ANKRD6: variants seen among roughly 807,000 people sequenced by gnomAD.
ANKRD6 encodes the protein ankyrin repeat domain-containing protein 6.
A neutral mutation model predicts 82.3 loss-of-function variants in ANKRD6; 56 were observed. The ratio of observed to expected loss-of-function variants is 0.68; its 90% CI spans 0.55 to 0.85. The LOEUF is 0.85. Among genes scored for constraint, ANKRD6 ranks in the 40% least tolerant of loss-of-function variants. The probability of loss-of-function intolerance (pLI) is 0.00; values close to 1 mark genes in which losing one functional copy is unlikely to be tolerated. For synonymous variants in ANKRD6, 347 were observed against 352.1 expected, an observed-to-expected ratio of 0.99 and a Z score of 0.16; for missense variants, 852 against 907.6, an observed-to-expected ratio of 0.94 and a Z score of 0.79.
intron 1 of ANKRD6, among the ~76,000 whole-genome samples, chr6:89,511,550 A>G (rs1780551966): frequency 6.6e-6 from 1 of 152,266 alleles, no homozygotes; most frequent in African/African-American, 2.4e-5. Context: ...GTGAATCTCC[A>G]GGTGAGTTAC....
chr6:89,566,434 T>C (rs1583320206), intron 1 of ANKRD6, among the ~76,000 whole-genome samples: 1 of 152,336 alleles, frequency 6.6e-6, no homozygotes, highest in East Asian at 1.9e-4. Flanking sequence ...TTAGCCATGG[T>C]GGACGCACAA....
At chr6:89,591,995 C>T (rs1335444985) in intron 2 of ANKRD6, among the ~76,000 whole-genome samples, 2 of 152,150 alleles carry the variant, frequency 1.3e-5, no homozygotes, top group African/African-American at 2.4e-5. Flanking sequence ...AGGCCAGGAG[C>T]ATTGCTGGAG....
At chr6:89,518,262 C>T (rs867048166) in intron 1 of ANKRD6, among the ~76,000 whole-genome samples, 4 of 152,204 alleles carry the variant, frequency 2.6e-5, no homozygotes, top group East Asian at 1.9e-4. Context: ...ATTAGCTGGG[C>T]GTGGTGGCGC....
At chr6:89,513,483 G>A (rs796158222) in intron 1 of ANKRD6, among the ~76,000 whole-genome samples, 8 of 152,096 alleles carry the variant, frequency 5.3e-5, no homozygotes, top group African/African-American at 1.9e-4. Context: ...TATCCTTTTT[G>A]TATCTGACCT....
At chr6:89,629,402 C>T (rs1806811020) in intron 15 of ANKRD6, 164 bp downstream of exon 15, 3 of 926,016 alleles carry the variant, frequency 3.2e-6, no homozygotes, top group South Asian at 1.4e-5. Flanking sequence ...TAACCATATA[C>T]TCAGTTGCTA....
At chr6:89,463,103 A>G (rs1383366724) in intron 1 of ANKRD6, among the ~76,000 whole-genome samples, 1 of 152,084 alleles carries the variant, frequency 6.6e-6, no homozygotes, top group African/African-American at 2.4e-5. Flanking sequence ...CCTGGCCTCA[A>G]GTGATCCTCC....
chr6:89,566,062 C>G (rs1284811977), intron 1 of ANKRD6, among the ~76,000 whole-genome samples: 1 of 152,220 alleles, frequency 6.6e-6, no homozygotes, highest in Non-Finnish European at 1.5e-5. Flanking sequence ...CCCTCCAGAT[C>G]ACTGCTCTGC....
intron 2 of ANKRD6, among the ~76,000 whole-genome samples, chr6:89,567,538 T>G (rs796954922): frequency 6.6e-6 from 1 of 152,170 alleles, no homozygotes. Context: ...TCTATAGGCT[T>G]TGATTTCATG....
At chr6:89,556,629 T>C (rs1338917886) in intron 1 of ANKRD6, among the ~76,000 whole-genome samples, 1 of 152,192 alleles carries the variant, frequency 6.6e-6, no homozygotes, top group African/African-American at 2.4e-5. Flanking sequence ...TAGAGACCGT[T>C]GCAATAACCC....
chr6:89,611,094 A>G (rs1443182019), intron 5 of ANKRD6, among the ~76,000 whole-genome samples: 1 of 152,128 alleles, frequency 6.6e-6, no homozygotes, highest in Non-Finnish European at 1.5e-5. Flanking sequence ...AAGTGAGACA[A>G]AAGGTCCACC....
Position 89,603,051 on chromosome 6 carries a change from G to A in ANKRD6, c.242G>A (p.Arg81Gln), listed in dbSNP as rs756145375. ...CAGGGGGACCAGACCGCCTTGCACC[G>A]GGCCACAGTGGTGGGGAACACGGAG... Reference protein sequence around the residue: ...QDDGDQTALHRATVVGNTEII... With the variant: ...QDDGDQTALHQATVVGNTEII... The change falls in exon 4 of 16, where the codon CGG becomes CAG. Residue 81 changes from arginine (R) to glutamine (Q), a missense_variant. Arg to Gln is a conservative substitution (Grantham distance 43). Transcript: ENST00000339746. 2.5e-6 allele frequency: 4 copies of A among 1,607,306 alleles called. No individual in the cohort carries two copies. The highest frequency in any genetic ancestry group is 1.1e-5 in the South Asian group (1 of 89,132).
intron 7 of ANKRD6, 195 bp from the exon 8 acceptor site, chr6:89,616,364 A>C: frequency 1.7e-6 from 1 of 581,682 alleles, no homozygotes; most frequent in Non-Finnish European, 3.1e-6. Context: ...AAGAAAGGTG[A>C]TATTGGTGCC....
intron 8 of ANKRD6, among the ~76,000 whole-genome samples, chr6:89,617,362 C>A (rs1583825196): frequency 6.6e-6 from 1 of 152,336 alleles, no homozygotes. Context: ...ACTGGGGGTG[C>A]AGTTCCATGA....
At chr6:89,545,021 G>T (rs539113528) in intron 1 of ANKRD6, among the ~76,000 whole-genome samples, 1 of 151,938 alleles carries the variant, frequency 6.6e-6, no homozygotes, top group South Asian at 2.1e-4. Context: ...AGACCATCCT[G>T]GCTAACACGG....
intron 6 of ANKRD6, 70 bp downstream of exon 6, chr6:89,612,440 A>G (rs2128219347): frequency 7.2e-7 from 1 of 1,390,546 alleles, no homozygotes; most frequent in South Asian, 1.3e-5. Flanking sequence ...CTTCATGAGC[A>G]TACTTGAACC....
intron 1 of ANKRD6, among the ~76,000 whole-genome samples, chr6:89,553,498 C>T (rs1786141052): frequency 6.6e-6 from 1 of 152,190 alleles, no homozygotes; most frequent in East Asian, 1.9e-4. Flanking sequence ...TTATGGGAAG[C>T]AAAGGCTTCC....
intron 1 of ANKRD6, among the ~76,000 whole-genome samples, chr6:89,566,586 A>G (rs1299626653): frequency 6.6e-6 from 1 of 152,212 alleles, no homozygotes; most frequent in Non-Finnish European, 1.5e-5. Flanking sequence ...AGTTCTGGCC[A>G]TACTCCTCCG....
At chr6:89,444,133 G>A (rs1436355512) in intron 1 of ANKRD6, among the ~76,000 whole-genome samples, 1 of 152,196 alleles carries the variant, frequency 6.6e-6, no homozygotes, top group East Asian at 1.9e-4. Flanking sequence ...ATGAGAGGAA[G>A]GACCTAAGTC....
In ANKRD6 at chr6:89,632,423, T is replaced by C. The variant is rs1177201525; in HGVS notation, c.*1419T>C. On this transcript the variant is annotated 3_prime_UTR_variant, in exon 16 of 16. Coordinates refer to ENST00000339746, the MANE Select transcript of ANKRD6 (RefSeq NM_001242809.2). ...ACCTGAATATGGAATGAATTTGATG[T>C]TTTTTATTTTGTTGAGACAGGGTCT... 6.6e-6 allele frequency: 1 copy of C among 152,128 alleles called. No individual in the cohort carries two copies. The highest frequency in any genetic ancestry group is 1.5e-5 in the Non-Finnish European group (1 of 68,042). The allele number at this position is 152,128 out of a possible 1,614,324, so 9.4% of individuals were successfully genotyped here.
Sources: gnomAD v4.1 joint callset for allele counts (sites outside exome capture counted in the v4.1 genomes callset) on GRCh38, gnomAD v4.1.1 for gene constraint, MANE v1.5 for transcripts, NCBI Gene and HGNC (gene_info 2026-07-23, HGNC 2026-07-21) for gene names.